Variants in MINDY4B observed in about 807,000 individuals in gnomAD.
MINDY4B encodes the protein MINDY family member 4B.
MINDY4B carries 25 observed loss-of-function variants against 16.7 expected under a neutral mutation model. That is an observed-to-expected ratio of 1.49 (90% CI 1.09 to 2.09). The LOEUF (loss-of-function observed/expected upper bound fraction) is 2.09. Among genes scored for constraint, MINDY4B ranks in the 30% most tolerant of loss-of-function variants. MINDY4B has a pLI of 0.00. For synonymous variants in MINDY4B, 132 were observed against 61.9 expected, an observed-to-expected ratio of 2.13 and a Z score of -5.32; for missense variants, 327 against 168.4, an observed-to-expected ratio of 1.94 and a Z score of -5.21.
At chr3:150,875,843 G>T (rs1218784745) in intron 10 of MINDY4B, among the ~76,000 whole-genome samples, 1 of 152,146 alleles carries the variant, frequency 6.6e-6, no homozygotes, top group African/African-American at 2.4e-5. Context: ...AACACATCTG[G>T]TTTAAAGTGA....
intron 3 of MINDY4B, among the ~76,000 whole-genome samples, chr3:150,902,973 A>G (rs568543942): frequency 3.9e-5 from 6 of 152,188 alleles, no homozygotes; most frequent in Non-Finnish European, 7.3e-5. Context: ...ATAGTGAGTT[A>G]TTTGAATGTA....
chr3:150,892,887 C>A (rs1711851749), intron 5 of MINDY4B, among the ~76,000 whole-genome samples: 1 of 151,508 alleles, frequency 6.6e-6, no homozygotes, highest in Non-Finnish European at 1.5e-5. Flanking sequence ...TTGCAGTGAG[C>A]CGAGATCATG....
chr3:150,881,816 C>T (rs996289624), intron 10 of MINDY4B, among the ~76,000 whole-genome samples: 1 of 152,140 alleles, frequency 6.6e-6, no homozygotes, highest in African/African-American at 2.4e-5. Flanking sequence ...CACACTTGTA[C>T]ACAAAATATG....
chr3:150,882,253 T>C (rs779670146), intron 10 of MINDY4B, among the ~76,000 whole-genome samples: 22 of 152,146 alleles, frequency 1.4e-4, no homozygotes, highest in Non-Finnish European at 2.8e-4. Context: ...CTTCTTCTGT[T>C]TGTTTTCGCA....
At chr3:150,882,820 T>G (rs1711543468) in intron 10 of MINDY4B, 77 bp downstream of exon 10, 2 of 549,726 alleles carry the variant, frequency 3.6e-6, no homozygotes, top group Non-Finnish European at 6.6e-6. Flanking sequence ...GGGTTTGAAT[T>G]GCCTAAATAG....
At chr3:150,883,279 C>T (rs1159231175) in intron 9 of MINDY4B, among the ~76,000 whole-genome samples, 1 of 152,180 alleles carries the variant, frequency 6.6e-6, no homozygotes, top group Admixed American at 6.5e-5. Context: ...CTGTACCCCA[C>T]TCTGATCTTA....
intron 2 of MINDY4B, among the ~76,000 whole-genome samples, chr3:150,904,110 T>C (rs1318910746): frequency 6.6e-6 from 1 of 152,206 alleles, no homozygotes; most frequent in Non-Finnish European, 1.5e-5. Flanking sequence ...CTTTCTTATC[T>C]CAGAAGCACA....
In MINDY4B at chr3:150,870,585, G is replaced by C. The variant is rs956394514; in HGVS notation, c.*460C>G. On this transcript the variant is annotated 3_prime_UTR_variant, in exon 12 of 12. Transcript: ENST00000465419. ...GCATATGAACTGTATCCTTGGAAAG[G>C]AATGCCGTCCATACCAGGAAGTCCT... 2.6e-5 allele frequency among the ~76,000 whole-genome samples: 4 copies of C among 152,178 alleles called. No individual in the cohort carries two copies. Among genetic ancestry groups the C allele is most frequent in the African/African-American group, 9.7e-5 (4 of 41,440 alleles).
chr3:150,890,841 C>A, intron 6 of MINDY4B, 97 bp downstream of exon 6: 1 of 648,158 alleles, frequency 1.5e-6, no homozygotes, highest in Non-Finnish European at 2.8e-6. Context: ...ACATCAGGAG[C>A]ATGGATGGGG....
At chr3:150,898,011 G>T (rs1393534520) in intron 3 of MINDY4B, among the ~76,000 whole-genome samples, 1 of 152,000 alleles carries the variant, frequency 6.6e-6, no homozygotes, top group East Asian at 1.9e-4. Flanking sequence ...CCAACCATGT[G>T]AACTTGGACA....
intron 9 of MINDY4B, 28 bp downstream of exon 9, chr3:150,883,672 A>G (rs1316233874): frequency 4.6e-5 from 32 of 701,852 alleles, no homozygotes; most frequent in Non-Finnish European, 7.5e-5. Flanking sequence ...CAGATTCTAC[A>G]ATAGAAAGGC....
At chr3:150,883,225 T>C (rs1711550850) in intron 9 of MINDY4B, among the ~76,000 whole-genome samples, 167 bp from the exon 10 acceptor site, 1 of 152,198 alleles carries the variant, frequency 6.6e-6, no homozygotes, top group Non-Finnish European at 1.5e-5. Flanking sequence ...TTTAAAACAA[T>C]CATTTATTAG....
chr3:150,885,384 A>G lies in MINDY4B; in HGVS notation c.808T>C (p.Ser270Pro), dbSNP rs1345057167. Residue 270 changes from serine (S) to proline (P), a missense_variant, in exon 8 of 12, where the codon TCT becomes CCT. By Grantham distance (74) the Ser-to-Pro change is moderately conservative. Transcript: ENST00000465419. ...VILFLYSLIFSRTFERLQMDL... is the reference protein window; with the variant it reads ...VILFLYSLIFPRTFERLQMDL... ...AGAATTTACCTTTCAAATGTTCTAGAGAAGATCAGGCTGTACAGAAACAGG... is the reference window on the plus strand; with the variant it reads ...AGAATTTACCTTTCAAATGTTCTAGGGAAGATCAGGCTGTACAGAAACAGG... The G allele has an allele frequency of 1.4e-6, 1 of 702,826 alleles. No homozygotes were observed. Among genetic ancestry groups the G allele is most frequent in the Non-Finnish European group, 2.6e-6 (1 of 384,846 alleles). 43.5% of individuals were successfully genotyped at this position (702,826 alleles called of 1,614,324 possible). A position where few individuals can be genotyped will look rare whatever the true frequency, so the allele number is the denominator to read the frequency against.
At chr3:150,871,802 G>A (rs973413887) in intron 11 of MINDY4B, among the ~76,000 whole-genome samples, 3 of 152,152 alleles carry the variant, frequency 2.0e-5, no homozygotes, top group Admixed American at 6.5e-5. Flanking sequence ...CCAGGATCAC[G>A]CCACTGCACT....
intron 8 of MINDY4B, 87 bp downstream of exon 8, chr3:150,885,281 A>G: frequency 1.5e-6 from 1 of 660,534 alleles, no homozygotes; most frequent in Admixed American, 2.3e-5. Flanking sequence ...CATGTTTCCA[A>G]TATGGAGATT....
At chr3:150,881,931 G>C (rs1711527397) in intron 10 of MINDY4B, among the ~76,000 whole-genome samples, 1 of 152,206 alleles carries the variant, frequency 6.6e-6, no homozygotes. Context: ...GACAATAGTA[G>C]AGGGACAGAT....
chr3:150,879,531 A>T (rs1231840437), intron 10 of MINDY4B, among the ~76,000 whole-genome samples: 1 of 152,032 alleles, frequency 6.6e-6, no homozygotes, highest in Non-Finnish European at 1.5e-5. Flanking sequence ...GGCTTTAAAA[A>T]CTTCAGTTGC....
intron 10 of MINDY4B, among the ~76,000 whole-genome samples, chr3:150,874,354 G>T (rs1717042410): frequency 6.6e-6 from 1 of 152,112 alleles, no homozygotes; most frequent in Admixed American, 6.5e-5. Context: ...CCAGCACTGG[G>T]GGTAAGAGCA....
At chr3:150,888,039 G>A (rs1048136903) in intron 7 of MINDY4B, among the ~76,000 whole-genome samples, 5 of 152,098 alleles carry the variant, frequency 3.3e-5, no homozygotes, top group African/African-American at 7.2e-5. Flanking sequence ...CCCGGGAGGC[G>A]GAGGTTGCAG....
Sources: gnomAD v4.1 joint callset for allele counts (sites outside exome capture counted in the v4.1 genomes callset) on GRCh38, gnomAD v4.1.1 for gene constraint, MANE v1.5 for transcripts, NCBI Gene and HGNC (gene_info 2026-07-23, HGNC 2026-07-21) for gene names.